Variants in KIAA0825 observed in about 807,000 individuals in gnomAD.
The protein encoded by KIAA0825 is uncharacterized protein KIAA0825.
KIAA0825 carries 119 observed loss-of-function variants against 147.6 expected under a neutral mutation model. The ratio of observed to expected loss-of-function variants is 0.81; its 90% confidence interval spans 0.69 to 0.94. The LOEUF (loss-of-function observed/expected upper bound fraction) is 0.94. Ranked by LOEUF, KIAA0825 falls within the 40% of genes least tolerant of loss-of-function variation. KIAA0825 has a pLI of 0.00. For synonymous variants in KIAA0825, 470 were observed against 518.1 expected, an observed-to-expected ratio of 0.91 and a Z score of 1.26; for missense variants, 1,381 against 1,472.7, an observed-to-expected ratio of 0.94 and a Z score of 1.02.
chr5:94,369,264 C>G (rs370871252), intron 20 of KIAA0825, among the ~76,000 whole-genome samples: 1 of 152,076 alleles, frequency 6.6e-6, no homozygotes, highest in Non-Finnish European at 1.5e-5. Flanking sequence ...ATTCAAGACT[C>G]GGGGGCACAG....
At chr5:94,426,117 C>T (rs116828834) in intron 14 of KIAA0825, among the ~76,000 whole-genome samples, 1,750 of 151,382 alleles carry the variant, frequency 0.012, 39 homozygotes, top group African/African-American at 0.039. Context: ...GCGATCCTCC[C>T]GCCTCACCCT....
intron 20 of KIAA0825, among the ~76,000 whole-genome samples, chr5:94,172,383 A>G (rs1166706970): frequency 6.6e-6 from 1 of 152,234 alleles, no homozygotes; most frequent in Non-Finnish European, 1.5e-5. Flanking sequence ...TTCAGAATGC[A>G]GAGCTATTGA....
intron 20 of KIAA0825, among the ~76,000 whole-genome samples, chr5:94,296,437 C>A (rs536318414): frequency 8.5e-4 from 129 of 152,014 alleles, no homozygotes; most frequent in Non-Finnish European, 1.1e-3. Flanking sequence ...GTGTTCCAGG[C>A]GCCACTGGGG....
At chr5:94,467,371 G>T (rs1760679927) in intron 10 of KIAA0825, among the ~76,000 whole-genome samples, 1 of 152,150 alleles carries the variant, frequency 6.6e-6, no homozygotes, top group African/African-American at 2.4e-5. Flanking sequence ...ACAGATGTGA[G>T]CTTTTATTTA....
chr5:94,289,858 G>A (rs1777811848), intron 20 of KIAA0825, among the ~76,000 whole-genome samples: 2 of 151,596 alleles, frequency 1.3e-5, no homozygotes, highest in African/African-American at 2.4e-5. Context: ...AGGGCAATAT[G>A]GCAAGATGTC....
At chr5:94,477,497 T>C (rs1438558729) in intron 6 of KIAA0825, among the ~76,000 whole-genome samples, 1 of 152,012 alleles carries the variant, frequency 6.6e-6, no homozygotes, top group Non-Finnish European at 1.5e-5. Flanking sequence ...CATAAACGTA[T>C]AATCTTCAAA....
In KIAA0825 at chr5:94,396,424, T is replaced by G; in HGVS notation, c.2973A>C (p.Lys991Asn). Reference protein sequence around the residue: ...TVIACLPPPVKYFFFLSERKM... With the variant: ...TVIACLPPPVNYFFFLSERKM... ...TTCTCTCAGACAGAAAAAAGAAGTA[T>G]TTAACTGGGGGAGGCAAACATGCAA... The change falls in exon 17 of 21, where the codon AAA becomes AAC. Residue 991 changes from lysine (K) to asparagine (N), a missense_variant. By Grantham distance (94) the Lys-to-Asn change is moderately conservative. Coordinates refer to ENST00000682413, the MANE Select transcript of KIAA0825 (RefSeq NM_001145678.3). 6.5e-7 allele frequency: 1 copy of G among 1,549,558 alleles called. No individual in the cohort carries two copies. The highest frequency in any genetic ancestry group is 8.7e-7 in the Non-Finnish European group (1 of 1,146,140).
At chr5:94,397,098 A>G (rs1750762123) in intron 16 of KIAA0825, among the ~76,000 whole-genome samples, 2 of 151,952 alleles carry the variant, frequency 1.3e-5, no homozygotes, top group African/African-American at 4.8e-5. Context: ...AGCACTCCCC[A>G]TCATCTAATA....
At chr5:94,282,880 T>C (rs1051166368) in intron 20 of KIAA0825, among the ~76,000 whole-genome samples, 3 of 151,818 alleles carry the variant, frequency 2.0e-5, no homozygotes, top group Non-Finnish European at 2.9e-5. Flanking sequence ...CAAATAAAAA[T>C]ATAAAAAGTG....
intron 20 of KIAA0825, among the ~76,000 whole-genome samples, chr5:94,160,273 C>A (rs982030330): frequency 3.9e-5 from 6 of 151,978 alleles, no homozygotes; most frequent in Non-Finnish European, 8.8e-5. Context: ...AATTCAGCAT[C>A]TTTAAACTTT....
At chr5:94,433,310 A>T (rs1755937941) in intron 14 of KIAA0825, among the ~76,000 whole-genome samples, 1 of 152,242 alleles carries the variant, frequency 6.6e-6, no homozygotes. Flanking sequence ...TACAGGCGTG[A>T]GCCACCGTGC....
chr5:94,460,468 G>C (rs954903466), intron 12 of KIAA0825, among the ~76,000 whole-genome samples: 3 of 152,084 alleles, frequency 2.0e-5, no homozygotes, highest in Admixed American at 1.3e-4. Flanking sequence ...TTATCCGTCA[G>C]AACTACTTGA....
intron 3 of KIAA0825, among the ~76,000 whole-genome samples, chr5:94,535,022 T>A (rs1451781462): frequency 1.3e-5 from 2 of 152,088 alleles, no homozygotes; most frequent in African/African-American, 4.8e-5. Context: ...TATTTTATAT[T>A]TATATGAAAT....
chr5:94,529,072 CA>C (rs1415612718), intron 3 of KIAA0825, among the ~76,000 whole-genome samples: 2 of 151,326 alleles, frequency 1.3e-5, no homozygotes, highest in Non-Finnish European at 2.9e-5. Flanking sequence ...CTGATTAAAT[CA>C]ATCATTAAGC....
Position 94,477,113 on chromosome 5 carries a change from C to G in KIAA0825, c.1225G>C (p.Glu409Gln), listed in dbSNP as rs1429052466. ...ACACTTCTTTTTCCTTCACTTACCTCTTTTCCTGGTAGTGATTGCTCGGAA... is the reference window on the plus strand; with the variant it reads ...ACACTTCTTTTTCCTTCACTTACCTGTTTTCCTGGTAGTGATTGCTCGGAA... ...IPSEQSLPGK[E>Q]ATLLDFGWRS... Residue 409 changes from glutamate (E) to glutamine (Q), a missense_variant and splice_region_variant, in exon 7 of 21, where the codon GAG becomes CAG. Glu to Gln is a conservative substitution (Grantham distance 29). Coordinates refer to ENST00000682413, the MANE Select transcript of KIAA0825 (RefSeq NM_001145678.3). 6.5e-7 allele frequency: 1 copy of G among 1,549,226 alleles called. No homozygotes were observed. Among genetic ancestry groups the G allele is most frequent in the Non-Finnish European group, 8.7e-7 (1 of 1,145,406 alleles).
chr5:94,549,088 T>C (rs1319353988), intron 2 of KIAA0825, among the ~76,000 whole-genome samples: 2 of 152,188 alleles, frequency 1.3e-5, no homozygotes, highest in African/African-American at 4.8e-5. Context: ...ATGGTCCTAA[T>C]AGATATTTAT....
Position 94,453,087 on chromosome 5 carries a change from A to C in KIAA0825, c.2247-18T>G, listed in dbSNP as rs1758623572. 3 of 1,296,448 alleles carry C rather than the reference A, an allele frequency of 2.3e-6. No individual in the cohort carries two copies. Among genetic ancestry groups the C allele is most frequent in the Non-Finnish European group, 3.2e-6 (3 of 943,688 alleles). The allele number at this position is 1,296,448 out of a possible 1,614,324, so 80.3% of individuals were successfully genotyped here. Reference sequence around the variant, plus strand: ...GAAAAGTCCTAGGGAAATACAAATAATTAGTTTAGAATATACAGGAAGCAT... The same window carrying C: ...GAAAAGTCCTAGGGAAATACAAATACTTAGTTTAGAATATACAGGAAGCAT... On this transcript the variant is annotated intron_variant, in intron 12 of 20. Transcript: ENST00000682413.
chr5:94,559,395 C>T (rs1010609420), intron 2 of KIAA0825, among the ~76,000 whole-genome samples: 1 of 152,146 alleles, frequency 6.6e-6, no homozygotes. Context: ...ATGACTATCA[C>T]ACTGTCTAAG....
chr5:94,492,486 T>C (rs74548927), intron 5 of KIAA0825, among the ~76,000 whole-genome samples: 1 of 152,210 alleles, frequency 6.6e-6, no homozygotes, highest in Non-Finnish European at 1.5e-5. Context: ...TTTTAGCATT[T>C]ACCATGTCAC....
Sources: allele counts gnomAD v4.1 joint callset (sites outside exome capture counted in the v4.1 genomes callset), GRCh38; gene constraint gnomAD v4.1.1; transcripts MANE v1.5; gene names NCBI Gene and HGNC (gene_info 2026-07-23, HGNC 2026-07-21).